Variants in PRDM13 observed in about 807,000 individuals in gnomAD.
PRDM13 encodes the protein PR/SET domain 13.
Under a neutral mutation model 36.4 loss-of-function variants are expected in PRDM13, and 15 were observed. The ratio of observed to expected loss-of-function variants is 0.41; its 90% CI spans 0.28 to 0.64. PRDM13 has a LOEUF of 0.64. Among genes scored for constraint, PRDM13 ranks in the 30% least tolerant of loss-of-function variants. The pLI, the probability that PRDM13 is intolerant of heterozygous loss-of-function variation, is 0.29. For missense variants in PRDM13, 1,044 were observed against 1,013.5 expected, an observed-to-expected ratio of 1.03 and a Z score of -0.41; for synonymous variants, 531 against 467.7, an observed-to-expected ratio of 1.14 and a Z score of -1.75.
chr6:99,612,713 T>C (rs1770048955), intron 3 of PRDM13, among the ~76,000 whole-genome samples: 1 of 152,230 alleles, frequency 6.6e-6, no homozygotes, highest in Admixed American at 6.5e-5. Flanking sequence ...AGCTGCTCTT[T>C]GCTCTTACAC....
intron 2 of PRDM13, 73 bp from the exon 3 acceptor site, chr6:99,609,114 C>T: frequency 1.3e-6 from 2 of 1,552,680 alleles, no homozygotes; most frequent in Non-Finnish European, 1.8e-6. Context: ...CGGATTTGAA[C>T]CTTTCTTCTC....
At position 99,608,803 on chromosome 6, in the gene PRDM13, G is replaced by T. The variant is rs1436652895; in HGVS notation, c.207G>T (p.Gly69=). 1 of 1,613,890 alleles carries T rather than the reference G, an allele frequency of 6.2e-7. No homozygotes were observed. Among genetic ancestry groups the T allele is most frequent in the East Asian group, 2.2e-5 (1 of 44,824 alleles). The change falls in exon 2 of 4, where the codon GGG becomes GGT. Residue 69 remains glycine (G), a synonymous_variant. Transcript: ENST00000369215. ...GGGGCTCCCCTCTGGAGTGGATAGG[G>T]TTAATCCGGGCAGCCAGAAACTCCC... ...ESGGSPLEWI[G]LIRAARNSQE... is the part of the protein sequence containing the mutation.
At position 99,613,635 on chromosome 6, in the gene PRDM13, C is replaced by A; in HGVS notation, c.1000C>A (p.Arg334=). Residue 334 remains arginine, a synonymous_variant, in exon 4 of 4, where the codon CGG becomes AGG. Transcript: ENST00000369215. The surrounding 1 kb of genome is among the most constrained non-coding windows in gnomAD (Gnocchi z 6.1). ...LALGRLLGGG[R]ACGRPGSGEN... ...TTTGGGCAGGCTGCTGGGCGGGGGC[C>A]GGGCGTGCGGGCGCCCCGGGAGCGG... The A allele has an allele frequency of 7.0e-7, 1 of 1,436,886 alleles. No individual in the cohort carries two copies. Among genetic ancestry groups the A allele is most frequent in the Admixed American group, 3.1e-5 (1 of 32,146 alleles). 89.0% of individuals were successfully genotyped at this position (1,436,886 alleles called of 1,614,324 possible).
chr6:99,608,738 C>T lies in PRDM13; in HGVS notation c.145-3C>T, dbSNP rs1208193741. 1.2e-6 allele frequency: 2 copies of T among 1,602,958 alleles called. No homozygotes were observed. Among genetic ancestry groups the T allele is most frequent in the Non-Finnish European group, 1.7e-6 (2 of 1,174,680 alleles). ...GGGAGAACGACCACTGCTTGTGTTG[C>T]AGGTGCGCATGGTGAGAGGGGAGCT... On this transcript the variant is annotated splice_region_variant and splice_polypyrimidine_tract_variant and intron_variant, in intron 1 of 3. Coordinates refer to ENST00000369215, the MANE Select transcript of PRDM13 (RefSeq NM_021620.4).
chr6:99,614,544 A>C lies in PRDM13; in HGVS notation c.1909A>C (p.Lys637Gln). Residue 637 changes from lysine to glutamine, a missense_variant, in exon 4 of 4, where the codon AAG (lysine) becomes CAG (glutamine). By Grantham distance (53) the Lys-to-Gln change is moderately conservative. Transcript: ENST00000369215. ...GCCCTACCGCTGCGAGTTCTGCGGCAAGGTACTTGTGCGCCGCCGGGACCT... is the reference window on the plus strand; with the variant it reads ...GCCCTACCGCTGCGAGTTCTGCGGCCAGGTACTTGTGCGCCGCCGGGACCT... ...NTPYRCEFCG[K>Q]VLVRRRDLER... 3 of 1,613,028 alleles carry C rather than the reference A, an allele frequency of 1.9e-6. No individual in the cohort carries two copies. The highest frequency in any genetic ancestry group is 1.1e-5 in the South Asian group (1 of 91,076).
At chr6:99,611,692 T>G (rs1237482907) in intron 3 of PRDM13, among the ~76,000 whole-genome samples, 3 of 152,190 alleles carry the variant, frequency 2.0e-5, no homozygotes, top group African/African-American at 7.2e-5. Context: ...GAAGAAGATC[T>G]GGAATTCTTC....
rs1254720454 is a variant in PRDM13, at chr6:99,613,270, C to T, written c.635C>T (p.Pro212Leu). The T allele has an allele frequency of 1.3e-6, 2 of 1,597,946 alleles. No homozygotes were observed. Among genetic ancestry groups the T allele is most frequent in the Non-Finnish European group, 8.5e-7 (1 of 1,173,786 alleles). ...PSQAGTLRPH[P>L]LGPPPVQACG... ...CAGGCAGGAACTTTGCGACCCCACC[C>T]CCTGGGCCCGCCACCAGTTCAGGCC... is the stretch of plus-strand genomic sequence containing the variant. Residue 212 changes from proline to leucine, a missense_variant, in exon 4 of 4, where the codon CCC (proline) becomes CTC (leucine). By Grantham distance (98) the Pro-to-Leu change is moderately conservative. Transcript: ENST00000369215. This position sits in a 1 kb window ranked among gnomAD's most constrained non-coding sequence, Gnocchi z 6.1.
At chr6:99,607,896 C>T (rs1562507429) in intron 1 of PRDM13, among the ~76,000 whole-genome samples, 1 of 152,238 alleles carries the variant, frequency 6.6e-6, no homozygotes, top group African/African-American at 2.4e-5. Flanking sequence ...GACTCCCACA[C>T]TCCACACACC....
intron 3 of PRDM13, among the ~76,000 whole-genome samples, chr6:99,609,542 G>A (rs1770002550): frequency 1.3e-5 from 2 of 152,046 alleles, no homozygotes; most frequent in African/African-American, 4.8e-5. Context: ...GAACTTAATG[G>A]GGCCATCCTT....
At chr6:99,612,906 C>A (rs1770052270) in intron 3 of PRDM13, 127 bp from the exon 4 acceptor site, 1 of 1,487,490 alleles carries the variant, frequency 6.7e-7, no homozygotes. Context: ...GGCTACCGAA[C>A]TTATATTTCA....
In PRDM13 at chr6:99,613,821, C is replaced by G. The variant is rs963340489; in HGVS notation, c.1186C>G (p.Pro396Ala). The change falls in exon 4 of 4, where the codon CCG (proline) becomes GCG (alanine). Residue 396 changes from proline (P) to alanine (A), a missense_variant. Coordinates refer to ENST00000369215, the MANE Select transcript of PRDM13 (RefSeq NM_021620.4). The surrounding 1 kb of genome is among the most constrained non-coding windows in gnomAD (Gnocchi z 6.1). ...CGGCTTCCCTCTGCTCTCCGTCCCC[C>G]CGGAAGAGGCGTCCGCCTTCAAGCA... is the stretch of plus-strand genomic sequence containing the variant. ...LRGFPLLSVPPEEASAFKHVE... is the reference protein window; with the variant it reads ...LRGFPLLSVPAEEASAFKHVE... 5 of 1,511,108 alleles carry G rather than the reference C, an allele frequency of 3.3e-6. No homozygotes were observed. The highest frequency in any genetic ancestry group is 1.4e-5 in the African/African-American group (1 of 69,210). The allele number at this position is 1,511,108 out of a possible 1,614,324, so 93.6% of individuals were successfully genotyped here.
chr6:99,613,937 C>G lies in PRDM13; in HGVS notation c.1302C>G (p.Cys434Trp). The G allele has an allele frequency of 1.1e-5, 17 of 1,588,328 alleles. No individual in the cohort carries two copies. The highest frequency in any genetic ancestry group is 1.4e-5 in the Non-Finnish European group (16 of 1,171,510). The change falls in exon 4 of 4, where the codon TGC (cysteine) becomes TGG (tryptophan). Residue 434 changes from cysteine to tryptophan, a missense_variant. Physicochemically the swap from Cys to Trp is radical, Grantham distance 215. Transcript: ENST00000369215. This position sits in a 1 kb window ranked among gnomAD's most constrained non-coding sequence, Gnocchi z 6.1. ...CGCCGGGGTTGCCCCTCGAGCGCTG[C>G]GCGCTGCCGCCCCTCGACCCGGGCG... ...PPAPGLPLER[C>W]ALPPLDPGGL...
intron 3 of PRDM13, among the ~76,000 whole-genome samples, chr6:99,612,687 C>G (rs901878787): frequency 6.6e-6 from 1 of 152,202 alleles, no homozygotes; most frequent in Non-Finnish European, 1.5e-5. Context: ...AGCCTCAACA[C>G]TTGATTTAAA....
chr6:99,607,125 T>G lies in PRDM13; in HGVS notation c.91T>G (p.Phe31Val), dbSNP rs768521077. ...GCGCCTCGGACCGGTGCCTGGTACC[T>G]TCAAGCTGGGCAAGTACCTGTCAGA... The part of the protein sequence containing the change: ...GLRLGPVPGT[F>V]KLGKYLSDRR... The change falls in exon 1 of 4, where the codon TTC becomes GTC. Residue 31 changes from phenylalanine to valine, a missense_variant. Transcript: ENST00000369215. The G allele has an allele frequency of 6.2e-7, 1 of 1,613,918 alleles. No individual in the cohort carries two copies.
intron 1 of PRDM13, 150 bp downstream of exon 1, chr6:99,607,328 A>T: frequency 8.5e-7 from 1 of 1,180,826 alleles, no homozygotes; most frequent in Non-Finnish European, 1.2e-6. Flanking sequence ...TATTCTGAGC[A>T]AGTAGCCTCT....
Position 99,613,745 on chromosome 6 carries a change from G to A in PRDM13, c.1110G>A (p.Gly370=). 6.9e-7 allele frequency: 1 copy of A among 1,440,884 alleles called. No homozygotes were observed. The allele number at this position is 1,440,884 out of a possible 1,614,324, so 89.3% of individuals were successfully genotyped here. Residue 370 remains glycine (G), a synonymous_variant, in exon 4 of 4, where the codon GGG becomes GGA. Coordinates refer to ENST00000369215, the MANE Select transcript of PRDM13 (RefSeq NM_021620.4). The surrounding 1 kb of genome is among the most constrained non-coding windows in gnomAD (Gnocchi z 6.1). ...ACCATCCCAAGTGCCTGCTCGCTGG[G>A]GACCCGCCGCCGCCGCCGCCGCCTG... ...HHHHPKCLLA[G]DPPPPPPPGL... is the part of the protein sequence containing the mutation.
In PRDM13 at chr6:99,613,129, G is replaced by A; in HGVS notation, c.494G>A (p.Gly165Asp). The A allele has an allele frequency of 6.2e-7, 1 of 1,613,396 alleles. No individual in the cohort carries two copies. The highest frequency in any genetic ancestry group is 2.2e-5 in the East Asian group (1 of 44,876). Residue 165 changes from glycine to aspartate, a missense_variant, in exon 4 of 4, where the codon GGT becomes GAT. Physicochemically the swap from Gly to Asp is moderately conservative, Grantham distance 94. Transcript: ENST00000369215. This position sits in a 1 kb window ranked among gnomAD's most constrained non-coding sequence, Gnocchi z 6.1. Reference protein sequence around the residue: ...HLRFHCVFSGGGGGAFLHHEH... With the variant: ...HLRFHCVFSGDGGGAFLHHEH... ...CGTTTCCACTGCGTGTTCAGCGGCG[G>A]TGGAGGCGGCGCCTTCCTGCACCAC...
At position 99,614,150 on chromosome 6, in the gene PRDM13, C is replaced by T. The variant is rs778118754; in HGVS notation, c.1515C>T (p.Ala505=). ...CCTACTTCAGCGGGCCTGCAGCGGC[C>T]GCCCTAAGCCCCGCCGAGCTGGGGT... The part of the protein sequence containing the change: ...SISYFSGPAA[A]ALSPAELGSL... Residue 505 remains alanine, a synonymous_variant, in exon 4 of 4, where the codon GCC becomes GCT. Coordinates refer to ENST00000369215, the MANE Select transcript of PRDM13 (RefSeq NM_021620.4). 3 of 1,598,192 alleles carry T rather than the reference C, an allele frequency of 1.9e-6. No individual in the cohort carries two copies. The highest frequency in any genetic ancestry group is 2.2e-5 in the East Asian group (1 of 44,568).
At position 99,613,702 on chromosome 6, in the gene PRDM13, A is replaced by G. The variant is rs1285034503; in HGVS notation, c.1067A>G (p.His356Arg). The G allele has an allele frequency of 1.4e-6, 2 of 1,448,864 alleles. No individual in the cohort carries two copies. Among genetic ancestry groups the G allele is most frequent in the East Asian group, 6.1e-5 (2 of 32,540 alleles). The allele number at this position is 1,448,864 out of a possible 1,614,324, so 89.8% of individuals were successfully genotyped here. ...GGCGGCGCGGGTCACCACCATCACC[A>G]CCACGCGCACCACCACCACCATCCC... is the stretch of plus-strand genomic sequence containing the variant. ...AAGGAGHHHH[H>R]HAHHHHHPKC... is the part of the protein sequence containing the mutation. Residue 356 changes from histidine to arginine, a missense_variant, in exon 4 of 4, where the codon CAC (histidine) becomes CGC (arginine). Around this residue, in one of 3 missense-constraint regions of PRDM13, gnomAD observed 921 missense variants for 865.2 expected, o/e 1.06. Coordinates refer to ENST00000369215, the MANE Select transcript of PRDM13 (RefSeq NM_021620.4). This position sits in a 1 kb window ranked among gnomAD's most constrained non-coding sequence, Gnocchi z 6.1.
Sources: gnomAD v4.1 joint callset for allele counts (sites outside exome capture counted in the v4.1 genomes callset) on GRCh38, gnomAD v4.1.1 for gene constraint, gnomAD v4.1.1 regional missense constraint, Gnocchi (gnomAD v3.1) non-coding constraint, MANE v1.5 for transcripts, NCBI Gene and HGNC (gene_info 2026-07-23, HGNC 2026-07-21) for gene names.